Variants in GNAO1 observed in about 807,000 individuals in gnomAD.
GNAO1 encodes the protein G protein subunit alpha o1, also known as guanine nucleotide-binding protein G(o) subunit alpha.
For missense variants in GNAO1, 166 were observed against 478.7 expected (o/e 0.35, Z 6.10); for synonymous variants, 164 against 180.7 (o/e 0.91, Z 0.74).
intron 3 of GNAO1, among the ~76,000 whole-genome samples, chr16:56,303,610 C>G (rs1340025156): frequency 1.3e-5 from 2 of 152,230 alleles, no homozygotes; most frequent in Non-Finnish European, 2.9e-5. Context: ...GACTGTCAGA[C>G]AGTTTATGGA....
At chr16:56,307,233 A>C (rs1451389826) in intron 3 of GNAO1, 1 of 152,202 alleles carries the variant, frequency 6.6e-6, no homozygotes, top group Non-Finnish European at 1.5e-5. Context: ...CACCAGGCGA[A>C]GAAGGCCAGC....
chr16:56,238,642 C>T (rs959230543), intron 2 of GNAO1, among the ~76,000 whole-genome samples: 1 of 152,260 alleles, frequency 6.6e-6, no homozygotes, highest in East Asian at 1.9e-4. Context: ...GATCTCTTTC[C>T]ACGCTGCAGG....
intron 2 of GNAO1, among the ~76,000 whole-genome samples, chr16:56,208,391 G>A (rs1367832739): frequency 5.3e-4 from 80 of 151,684 alleles, no homozygotes; most frequent in Non-Finnish European, 4.4e-5. Flanking sequence ...TTTTGAGTTT[G>A]GAGCAGTTAT....
At chr16:56,279,461 G>A (rs1161795782) in intron 3 of GNAO1, among the ~76,000 whole-genome samples, 1 of 152,118 alleles carries the variant, frequency 6.6e-6, no homozygotes, top group Non-Finnish European at 1.5e-5. Context: ...CTCTCCCAGG[G>A]GCCCCATGTA....
intron 3 of GNAO1, among the ~76,000 whole-genome samples, chr16:56,293,232 G>A (rs2037249799): frequency 6.6e-6 from 1 of 152,258 alleles, no homozygotes; most frequent in Non-Finnish European, 1.5e-5. Context: ...GTGCTCAGGT[G>A]TGAATTTTAG....
At chr16:56,215,728 TTC>T (rs1212878969) in intron 2 of GNAO1, among the ~76,000 whole-genome samples, 2 of 152,146 alleles carry the variant, frequency 1.3e-5, no homozygotes, top group African/African-American at 2.4e-5. Flanking sequence ...TTGCTGTGGG[TTC>T]TCTCATAAAT....
rs138744614 is a variant in GNAO1 at position 56,223,768 on chromosome 16, G to A, written c.161+31152G>A. 3.5e-3 allele frequency among the ~76,000 whole-genome samples: 533 copies of A among 152,292 alleles called. 4 individuals carry two copies. Among genetic ancestry groups the A allele is most frequent in the African/African-American group, 0.013 (520 of 41,544 alleles). On this transcript the variant is annotated intron_variant, in intron 2 of 8. Coordinates refer to ENST00000262493, the MANE Select transcript of GNAO1 (RefSeq NM_020988.3). ...AGGGTTGTTATCAAACCTGTTTTAC[G>A]GTTGAGGACACTGAGATTTAAGACT...
chr16:56,197,798 C>A lies in GNAO1; in HGVS notation c.161+5182C>A, dbSNP rs143454224. On this transcript the variant is annotated intron_variant, in intron 2 of 8. Coordinates refer to ENST00000262493, the MANE Select transcript of GNAO1 (RefSeq NM_020988.3). ...CATGCCACATCTGCTAAAGATAGGA[C>A]AAGATCACTCATGTTTTTCAGCTGC... 8.6e-4 allele frequency among the ~76,000 whole-genome samples: 131 copies of A among 152,274 alleles called. 1 individual carries two copies. Among genetic ancestry groups the A allele is most frequent in the African/African-American group, 2.9e-3 (120 of 41,556 alleles).
intron 6 of GNAO1, chr16:56,346,426 G>C: frequency 1.0e-6 from 1 of 985,394 alleles, no homozygotes; most frequent in Non-Finnish European, 1.2e-6. Flanking sequence ...TGATTTCTAC[G>C]AAGAGCGTCT....
chr16:56,344,843 A>C, intron 6 of GNAO1: 6 of 985,436 alleles, frequency 6.1e-6, no homozygotes, highest in Non-Finnish European at 7.2e-6. Context: ...AACTCAAACC[A>C]GCAAAGGCCT....
At chr16:56,286,729 GTGTA>G (rs1476962550) in intron 3 of GNAO1, among the ~76,000 whole-genome samples, 51 of 137,530 alleles carry the variant, frequency 3.7e-4, no homozygotes, top group African/African-American at 9.8e-4. Flanking sequence ...GTGTGTGTGT[GTGTA>G]TGTGTGTATC....
At position 56,220,146 on chromosome 16, in the gene GNAO1, T is replaced by C. The variant is rs116366270; in HGVS notation, c.161+27530T>C. On this transcript the variant is annotated intron_variant, in intron 2 of 8. Transcript: ENST00000262493. ...CATGTGAACAGATATCTTTGGCCTCTTTTTGCAGGTAAAGAATCTGAGGTT... is the reference window on the plus strand; with the variant it reads ...CATGTGAACAGATATCTTTGGCCTCCTTTTGCAGGTAAAGAATCTGAGGTT... Among the ~76,000 whole-genome samples the C allele has an allele frequency of 4.5e-3, 679 of 152,176 alleles. 1 individual carries two copies. The highest frequency in any genetic ancestry group is 0.015 in the African/African-American group (639 of 41,468).
At chr16:56,224,661 A>T (rs2036518969) in intron 2 of GNAO1, among the ~76,000 whole-genome samples, 1 of 152,080 alleles carries the variant, frequency 6.6e-6, no homozygotes. Context: ...TTGTATTTTT[A>T]GTAGAGATGG....
intron 1 of GNAO1, 92 bp downstream of exon 1, chr16:56,192,445 C>A (rs912013571): frequency 1.1e-6 from 1 of 912,694 alleles, no homozygotes; most frequent in Non-Finnish European, 1.8e-6. Context: ...GCCCGGGAGA[C>A]CTGGTCCCCA....
At chr16:56,310,962 A>G (rs1351473858) in intron 3 of GNAO1, among the ~76,000 whole-genome samples, 1 of 152,162 alleles carries the variant, frequency 6.6e-6, no homozygotes, top group Non-Finnish European at 1.5e-5. Flanking sequence ...CTTGACCCAG[A>G]AGTGGTATGC....
At chr16:56,228,494 A>T (rs1417807085) in intron 2 of GNAO1, among the ~76,000 whole-genome samples, 2 of 151,846 alleles carry the variant, frequency 1.3e-5, no homozygotes, top group African/African-American at 2.4e-5. Context: ...ATTAAAATAC[A>T]TAAAGAAAAA....
intron 6 of GNAO1, chr16:56,344,062 C>T (rs1383613030): frequency 6.6e-7 from 1 of 1,507,180 alleles, no homozygotes; most frequent in Non-Finnish European, 8.8e-7. Context: ...AAGAAGACCT[C>T]AGAGGCTGGC....
At chr16:56,298,997 A>G (rs146871878) in intron 3 of GNAO1, among the ~76,000 whole-genome samples, 93 of 152,328 alleles carry the variant, frequency 6.1e-4, no homozygotes, top group Admixed American at 1.2e-3. Context: ...GAAATTGTGA[A>G]AACAAGACAG....
chr16:56,221,671 A>C (rs2036490411), intron 2 of GNAO1, among the ~76,000 whole-genome samples: 3 of 150,570 alleles, frequency 2.0e-5, no homozygotes, highest in African/African-American at 4.9e-5. Context: ...AAAAAAAAAA[A>C]AAACATGGGA....
Sources: allele counts gnomAD v4.1 joint callset (sites outside exome capture counted in the v4.1 genomes callset), GRCh38; gene constraint gnomAD v4.1.1; transcripts MANE v1.5; gene names NCBI Gene and HGNC (gene_info 2026-07-23, HGNC 2026-07-21).